Variants in CREB5 observed in about 807,000 individuals in gnomAD.
The protein encoded by CREB5 is cyclic AMP-responsive element-binding protein 5.
A neutral mutation model predicts 57.1 loss-of-function variants in CREB5; 19 were observed. That is an observed-to-expected ratio of 0.33 (90% CI 0.23 to 0.49). The LOEUF (loss-of-function observed/expected upper bound fraction) is 0.49, where lower values mean the gene tolerates loss of function less well. CREB5 is among the 20% of genes least tolerant of loss of function. The pLI is 0.99. For missense variants in CREB5, 579 were observed against 671.6 expected, an observed-to-expected ratio of 0.86 and a Z score of 1.52; for synonymous variants, 238 against 238.3, an observed-to-expected ratio of 1.00 and a Z score of 0.01.
intron 5 of CREB5, among the ~76,000 whole-genome samples, chr7:28,640,464 G>A (rs1320997872): frequency 1.3e-5 from 2 of 152,110 alleles, no homozygotes; most frequent in Admixed American, 6.5e-5. Context: ...CTATTTGGAT[G>A]TTCATTTTAC....
chr7:28,679,793 C>T (rs1800500897), intron 5 of CREB5, among the ~76,000 whole-genome samples: 1 of 152,168 alleles, frequency 6.6e-6, no homozygotes, highest in Non-Finnish European at 1.5e-5. Flanking sequence ...CAGTACAAAA[C>T]AGCGAATGGT....
intron 1 of CREB5, among the ~76,000 whole-genome samples, chr7:28,344,589 C>T (rs1193537666): frequency 6.6e-6 from 1 of 152,156 alleles, no homozygotes; most frequent in Non-Finnish European, 1.5e-5. Flanking sequence ...GTGATACCTC[C>T]AGCTTTCTTC....
chr7:28,664,946 GT>G (rs766534413), intron 5 of CREB5, among the ~76,000 whole-genome samples: 1 of 152,164 alleles, frequency 6.6e-6, no homozygotes, highest in Non-Finnish European at 1.5e-5. Flanking sequence ...AGGGAAGTCT[GT>G]GATCTCAGGC....
intron 5 of CREB5, among the ~76,000 whole-genome samples, chr7:28,624,247 G>A (rs745502806): frequency 1.7e-4 from 26 of 152,116 alleles, no homozygotes; most frequent in Non-Finnish European, 2.4e-4. Flanking sequence ...AGAATCAAGC[G>A]TTTACTATTT....
rs188230901 is a variant in CREB5, at chr7:28,693,031, A to G, written c.465-25722A>G. The stretch of plus-strand genomic sequence containing the variant: ...AAGAATTAATCAATAGTTTGCAATT[A>G]TTATGGAGAGTGGGACAGTAGTTAG... On this transcript the variant is annotated intron_variant, in intron 5 of 10. Transcript: ENST00000357727. Among the ~76,000 whole-genome samples, 335 of 152,348 alleles carry G rather than the reference A, an allele frequency of 2.2e-3. 1 individual carries two copies. The highest frequency in any genetic ancestry group is 4.1e-3 in the Non-Finnish European group (279 of 68,030).
intron 5 of CREB5, chr7:28,608,930 A>G (rs1304785467): frequency 6.6e-6 from 1 of 152,200 alleles, no homozygotes; most frequent in Non-Finnish European, 1.5e-5. Context: ...GTTGGCATAA[A>G]TATTAACCAG....
chr7:28,610,467 C>A (rs1282656237), intron 5 of CREB5, among the ~76,000 whole-genome samples: 2 of 152,052 alleles, frequency 1.3e-5, no homozygotes, highest in Admixed American at 1.3e-4. Context: ...GTATATTCAC[C>A]GCATACATTC....
intron 5 of CREB5, among the ~76,000 whole-genome samples, chr7:28,583,464 T>C (rs911218069): frequency 2.0e-5 from 3 of 152,106 alleles, no homozygotes; most frequent in African/African-American, 7.2e-5. Flanking sequence ...AAGGGAAACA[T>C]AGAGACTTGA....
chr7:28,439,160 A>G (rs1277988679), intron 1 of CREB5, among the ~76,000 whole-genome samples: 1 of 152,144 alleles, frequency 6.6e-6, no homozygotes, highest in African/African-American at 2.4e-5. Flanking sequence ...ACCTTACACC[A>G]TCCTCTGTAT....
intron 1 of CREB5, among the ~76,000 whole-genome samples, chr7:28,332,302 T>C (rs140401870): frequency 1.3e-5 from 2 of 152,330 alleles, no homozygotes; most frequent in East Asian, 3.9e-4. Flanking sequence ...AATGCATTTC[T>C]GTTGTCTGAA....
At chr7:28,418,945 C>T (rs758323325) in intron 1 of CREB5, among the ~76,000 whole-genome samples, 1 of 152,302 alleles carries the variant, frequency 6.6e-6, no homozygotes, top group Admixed American at 6.5e-5. Flanking sequence ...CTTTCGGGTG[C>T]TTTCCCATGC....
At chr7:28,571,338 C>T (rs1367292748) in intron 5 of CREB5, among the ~76,000 whole-genome samples, 1 of 152,158 alleles carries the variant, frequency 6.6e-6, no homozygotes, top group African/African-American at 2.4e-5. Flanking sequence ...GTCGTCCCGC[C>T]CTCTGCTTAT....
chr7:28,720,255 A>G (rs1313877992), intron 6 of CREB5, among the ~76,000 whole-genome samples: 1 of 152,188 alleles, frequency 6.6e-6, no homozygotes, highest in African/African-American at 2.4e-5. Context: ...ACTCAATGAA[A>G]ACCCTCCCCA....
At chr7:28,697,854 T>C (rs894110164) in intron 5 of CREB5, among the ~76,000 whole-genome samples, 2 of 152,210 alleles carry the variant, frequency 1.3e-5, no homozygotes, top group African/African-American at 4.8e-5. Flanking sequence ...ATTTATGTCA[T>C]TGTGTCTGCT....
At chr7:28,768,616 C>CTG (rs748172195) in intron 7 of CREB5, among the ~76,000 whole-genome samples, 4 of 152,070 alleles carry the variant, frequency 2.6e-5, no homozygotes, top group East Asian at 3.9e-4. Context: ...TTTGAAGGTA[C>CTG]TGTGTGTGTG....
chr7:28,299,548 G>A (rs1785064458), intron 1 of CREB5: 1 of 152,178 alleles, frequency 6.6e-6, no homozygotes. Context: ...TGCTCAACAT[G>A]TGGCTACTAG....
chr7:28,755,619 CAAG>C (rs1255262268), intron 7 of CREB5, among the ~76,000 whole-genome samples: 1 of 152,044 alleles, frequency 6.6e-6, no homozygotes, highest in Non-Finnish European at 1.5e-5. Context: ...CAGTGATGCA[CAAG>C]AAGCACATAT....
At chr7:28,568,051 A>G (rs1446110406) in intron 4 of CREB5, among the ~76,000 whole-genome samples, 1 of 152,154 alleles carries the variant, frequency 6.6e-6, no homozygotes, top group East Asian at 1.9e-4. Flanking sequence ...CATGAAGGAG[A>G]ACATTGTCTA....
chr7:28,754,431 CG>C (rs1217735083), intron 7 of CREB5, among the ~76,000 whole-genome samples: 1 of 152,176 alleles, frequency 6.6e-6, no homozygotes, highest in Non-Finnish European at 1.5e-5. Context: ...TAAACATCTA[CG>C]TTGGCCACCT....
Sources: gnomAD v4.1 joint callset for allele counts (sites outside exome capture counted in the v4.1 genomes callset) on GRCh38, gnomAD v4.1.1 for gene constraint, MANE v1.5 for transcripts, NCBI Gene and HGNC (gene_info 2026-07-23, HGNC 2026-07-21) for gene names.